The following LRRK1 variants were observed in gnomAD, a reference collection of about 807,000 sequenced individuals.
LRRK1 encodes leucine rich repeat kinase 1, also known as leucine-rich repeat serine/threonine-protein kinase 1.
LRRK1 carries 113 observed loss-of-function variants against 209.1 expected under a neutral mutation model. The ratio of observed to expected loss-of-function variants is 0.54; its 90% confidence interval spans 0.46 to 0.63. The LOEUF (loss-of-function observed/expected upper bound fraction) is 0.63, where lower values mean the gene tolerates loss of function less well. Among genes scored for constraint, LRRK1 ranks in the 30% least tolerant of loss-of-function variants. LRRK1 has a pLI of 0.00. For missense variants in LRRK1, 2,284 were observed against 2,632.2 expected (o/e 0.87, Z 2.89); for synonymous variants, 1,144 against 1,099.7 (o/e 1.04, Z -0.80).
At chr15:101,059,176 G>C (rs923579127) in intron 29 of LRRK1, among the ~76,000 whole-genome samples, 1 of 152,080 alleles carries the variant, frequency 6.6e-6, no homozygotes, top group African/African-American at 2.4e-5. Flanking sequence ...GATCTTTTGA[G>C]TTCAGGAGTT....
chr15:100,956,589 TGAGTA>T (rs1207390400), intron 2 of LRRK1, among the ~76,000 whole-genome samples: 1 of 151,466 alleles, frequency 6.6e-6, no homozygotes, highest in African/African-American at 2.4e-5. Context: ...CTCAGCCTCC[TGAGTA>T]GCTGGGATTA....
chr15:101,057,207 C>A (rs548479521), intron 28 of LRRK1, among the ~76,000 whole-genome samples, 157 bp downstream of exon 28: 9 of 152,362 alleles, frequency 5.9e-5, no homozygotes, highest in Admixed American at 4.6e-4. Context: ...TCCTAACATA[C>A]CTACTTTCAT....
chr15:100,989,977 G>A (rs1346545248), intron 6 of LRRK1, among the ~76,000 whole-genome samples: 1 of 151,698 alleles, frequency 6.6e-6, no homozygotes, highest in East Asian at 1.9e-4. Context: ...ATGAATGATT[G>A]TTATAACAAG....
chr15:101,055,661 G>C (rs2035754345), intron 27 of LRRK1, among the ~76,000 whole-genome samples: 1 of 152,180 alleles, frequency 6.6e-6, no homozygotes, highest in South Asian at 2.1e-4. Context: ...TGCTGGCCAA[G>C]TTGAATGCCA....
chr15:101,052,954 G>A lies in LRRK1; in HGVS notation c.3722G>A (p.Ser1241Asn). ...CTGGAGAACAGCAAGCTGGAGCACA[G>A]CGAGGACGAGGGCAGCGTCCTGGGC... ...LFLENSKLEH[S>N]EDEGSVLGQG... The change falls in exon 25 of 34, where the codon AGC becomes AAC. Residue 1241 changes from serine (S) to asparagine (N), a missense_variant. By Grantham distance (46) the Ser-to-Asn change is conservative (BLOSUM62 1). Transcript: ENST00000388948. The A allele has an allele frequency of 2.5e-6, 4 of 1,611,370 alleles. No individual in the cohort carries two copies. The highest frequency in any genetic ancestry group is 3.4e-6 in the Non-Finnish European group (4 of 1,178,204).
chr15:101,020,618 C>A (rs960867464), intron 12 of LRRK1, among the ~76,000 whole-genome samples: 1 of 152,226 alleles, frequency 6.6e-6, no homozygotes, highest in South Asian at 2.1e-4. Flanking sequence ...TTGTGATCCC[C>A]CTACCTCGGC....
intron 3 of LRRK1, among the ~76,000 whole-genome samples, chr15:100,977,156 T>C (rs117094956): frequency 0.01 from 1,516 of 147,542 alleles, 11 homozygotes; most frequent in Non-Finnish European, 0.016. Flanking sequence ...ACTGAGGAAG[T>C]TGGCAATCCA....
intron 20 of LRRK1, among the ~76,000 whole-genome samples, chr15:101,038,496 G>A (rs1365950997): frequency 6.6e-6 from 1 of 152,156 alleles, no homozygotes. Flanking sequence ...TAGTTTCAGG[G>A]CCCACAAAGG....
chr15:101,004,026 T>C (rs529973307), intron 6 of LRRK1, among the ~76,000 whole-genome samples: 1 of 152,220 alleles, frequency 6.6e-6, no homozygotes, highest in Non-Finnish European at 1.5e-5. Context: ...TTGGGCCTAC[T>C]TGTGAGCCCT....
At chr15:100,951,955 GAAAAAA>G (rs550237148) in intron 2 of LRRK1, among the ~76,000 whole-genome samples, 4 of 135,226 alleles carry the variant, frequency 3.0e-5, no homozygotes, top group African/African-American at 7.8e-5. Context: ...CTCCATCTCA[GAAAAAA>G]AAAAATAATA....
In LRRK1 at chr15:101,022,647, T is replaced by C. The variant is rs778033131; in HGVS notation, c.2067+50T>C. On this transcript the variant is annotated intron_variant, in intron 15 of 33. Transcript: ENST00000388948. This position sits in a 1 kb window ranked among gnomAD's most constrained non-coding sequence, Gnocchi z 4.0. The stretch of plus-strand genomic sequence containing the variant: ...TCCCTGTGGGTGGGAGGAACATCCC[T>C]TGGACTCCTTCTCCCTTCTCCCCAG... 38 of 1,299,338 alleles carry C rather than the reference T, an allele frequency of 2.9e-5. No homozygotes were observed. In the African/African-American group the frequency reaches 5.1e-4, roughly 17 times the overall value. 80.5% of individuals were successfully genotyped at this position (1,299,338 alleles called of 1,614,324 possible). A position where few individuals can be genotyped will look rare whatever the true frequency, so the allele number is the denominator to read the frequency against.
intron 11 of LRRK1, 127 bp downstream of exon 11, chr15:101,014,555 C>G (rs1206221251): frequency 8.8e-6 from 6 of 685,244 alleles, no homozygotes; most frequent in East Asian, 2.8e-5. Flanking sequence ...GGCTTAACAA[C>G]AGAAATCACT....
chr15:101,020,529 T>C (rs1050299520), intron 12 of LRRK1, among the ~76,000 whole-genome samples: 2 of 151,892 alleles, frequency 1.3e-5, no homozygotes, highest in African/African-American at 2.4e-5. Context: ...GTGCCCACCA[T>C]CACGCCTGGC....
At chr15:100,984,197 G>A (rs546477006) in intron 4 of LRRK1, among the ~76,000 whole-genome samples, 1 of 148,848 alleles carries the variant, frequency 6.7e-6, no homozygotes, top group Non-Finnish European at 1.5e-5. Context: ...TTAAGATGAC[G>A]AAAACAAAGC....
intron 20 of LRRK1, among the ~76,000 whole-genome samples, chr15:101,043,195 C>T (rs1279148372): frequency 6.6e-6 from 1 of 152,262 alleles, no homozygotes; most frequent in East Asian, 1.9e-4. Flanking sequence ...CACCTGGAGA[C>T]TTCTGGGGAG....
chr15:101,055,211 A>G lies in LRRK1; in HGVS notation c.4320A>G (p.Val1440=), dbSNP rs771121002. The part of the protein sequence containing the change: ...YQAPEIRPRI[V]YDEKVDMFSY... ...CCCCAGAGATCAGGCCTCGCATTGT[A>G]TATGATGAGAAGGTACGTGCCTGGA... The change falls in exon 27 of 34, where the codon GTA becomes GTG. Residue 1440 remains valine, a synonymous_variant. Coordinates refer to ENST00000388948, the MANE Select transcript of LRRK1 (RefSeq NM_024652.6). 1.3e-6 allele frequency: 2 copies of G among 1,569,000 alleles called. No individual in the cohort carries two copies. The highest frequency in any genetic ancestry group is 8.6e-7 in the Non-Finnish European group (1 of 1,158,578).
At chr15:101,045,026 C>T (rs112227956) in intron 20 of LRRK1, among the ~76,000 whole-genome samples, 4 of 152,186 alleles carry the variant, frequency 2.6e-5, no homozygotes, top group Non-Finnish European at 4.4e-5. Context: ...GCACAGCCCC[C>T]GTCTACCTTC....
At chr15:100,975,331 G>A (rs1470273239) in intron 3 of LRRK1, among the ~76,000 whole-genome samples, 1 of 152,254 alleles carries the variant, frequency 6.6e-6, no homozygotes, top group African/African-American at 2.4e-5. Context: ...TGCTGACGGG[G>A]GAAGATGATC....
At position 100,965,712 on chromosome 15, in the gene LRRK1, T is replaced by C. The variant is rs115392340; in HGVS notation, c.98-8092T>C. On this transcript the variant is annotated intron_variant, in intron 2 of 33. Transcript: ENST00000388948. ...CCAACCAAACCTGAAAAAAAAAATC[T>C]CCCTGGTGCTATTCATTTATCCTTC... is the stretch of plus-strand genomic sequence containing the variant. Among the ~76,000 whole-genome samples, 1,173 of 152,208 alleles carry C rather than the reference T, an allele frequency of 7.7e-3. 19 individuals carry two copies. Among genetic ancestry groups the C allele is most frequent in the African/African-American group, 0.027 (1,128 of 41,516 alleles).
Sources: gnomAD v4.1 joint callset for allele counts (sites outside exome capture counted in the v4.1 genomes callset) on GRCh38, gnomAD v4.1.1 for gene constraint, Gnocchi (gnomAD v3.1) non-coding constraint, MANE v1.5 for transcripts, NCBI Gene and HGNC (gene_info 2026-07-23, HGNC 2026-07-21) for gene names.